ATP8A2: variants seen among roughly 807,000 people sequenced by gnomAD.
ATP8A2 encodes phospholipid-transporting ATPase IB.
ATP8A2 carries 100 observed loss-of-function variants against 165.6 expected under a neutral mutation model. That is an observed-to-expected ratio of 0.60 (90% CI 0.51 to 0.71). ATP8A2 has a LOEUF of 0.71. ATP8A2 is among the 30% of genes least tolerant of loss of function. The pLI is 0.00. For missense variants in ATP8A2, 1,227 were observed against 1,479.5 expected (o/e 0.83, Z 2.80); for synonymous variants, 543 against 548.8 (o/e 0.99, Z 0.15).
At chr13:26,019,657 C>G (rs118175487) in intron 36 of ATP8A2, among the ~76,000 whole-genome samples, 86 of 152,314 alleles carry the variant, frequency 5.6e-4, no homozygotes, top group Admixed American at 1.0e-3. Flanking sequence ...GAGGCTTTCC[C>G]TTCCCAGCAT....
intron 18 of ATP8A2, among the ~76,000 whole-genome samples, chr13:25,572,738 C>T (rs891045308): frequency 2.6e-5 from 4 of 152,114 alleles, no homozygotes; most frequent in African/African-American, 9.7e-5. Flanking sequence ...CTTGCCTTTC[C>T]CTACTCCTCC....
intron 27 of ATP8A2, among the ~76,000 whole-genome samples, chr13:25,805,605 G>T (rs1566156604): frequency 6.6e-6 from 1 of 152,180 alleles, no homozygotes. Context: ...CAAAAGCAGA[G>T]CTTGCTTTGG....
intron 1 of ATP8A2, among the ~76,000 whole-genome samples, chr13:25,405,534 G>C (rs557784847): frequency 5.9e-5 from 9 of 152,044 alleles, no homozygotes; most frequent in Non-Finnish European, 1.2e-4. Context: ...CTCTCCTTGG[G>C]GTACTCCCAG....
intron 33 of ATP8A2, among the ~76,000 whole-genome samples, chr13:25,870,536 T>C (rs1366555319): frequency 6.6e-6 from 1 of 152,194 alleles, no homozygotes. Context: ...AAAATATGTT[T>C]AATATATGCA....
intron 24 of ATP8A2, among the ~76,000 whole-genome samples, chr13:25,648,034 T>C (rs1322095408): frequency 6.6e-6 from 1 of 152,142 alleles, no homozygotes; most frequent in East Asian, 1.9e-4. Context: ...CTCTTTCTTC[T>C]CCTTTTGACT....
intron 24 of ATP8A2, among the ~76,000 whole-genome samples, chr13:25,670,113 T>C (rs181154291): frequency 8.1e-4 from 123 of 152,322 alleles, no homozygotes; most frequent in African/African-American, 2.9e-3. Flanking sequence ...CTTACTATCA[T>C]AGGTTTTTAA....
intron 25 of ATP8A2, among the ~76,000 whole-genome samples, chr13:25,759,068 C>T (rs990947485): frequency 2.6e-5 from 4 of 152,138 alleles, no homozygotes; most frequent in Non-Finnish European, 5.9e-5. Flanking sequence ...AAGTATTAAT[C>T]TGCAAACTAC....
chr13:26,005,007 T>C (rs2139333604), intron 35 of ATP8A2, among the ~76,000 whole-genome samples: 1 of 152,166 alleles, frequency 6.6e-6, no homozygotes, highest in South Asian at 2.1e-4. Context: ...GTAAAATGGG[T>C]TTGGAAGTAT....
chr13:25,954,223 T>C (rs1955459891), intron 33 of ATP8A2, among the ~76,000 whole-genome samples: 2 of 152,278 alleles, frequency 1.3e-5, no homozygotes, highest in South Asian at 4.1e-4. Flanking sequence ...CCCCTCACAG[T>C]GTAAACAAAG....
At chr13:25,628,329 T>TA (rs1242737020) in intron 24 of ATP8A2, among the ~76,000 whole-genome samples, 1 of 152,216 alleles carries the variant, frequency 6.6e-6, no homozygotes, top group Non-Finnish European at 1.5e-5. Context: ...TGCTTTACCC[T>TA]TTATGTTAAT....
At chr13:25,635,174 G>A (rs968885105) in intron 24 of ATP8A2, among the ~76,000 whole-genome samples, 6 of 152,152 alleles carry the variant, frequency 3.9e-5, no homozygotes, top group Admixed American at 6.5e-5. Context: ...AGCATGACCC[G>A]TGTAACATTT....
intron 27 of ATP8A2, among the ~76,000 whole-genome samples, chr13:25,780,560 T>G (rs1312955795): frequency 6.6e-6 from 1 of 152,156 alleles, no homozygotes; most frequent in Non-Finnish European, 1.5e-5. Context: ...TAAAAATTTG[T>G]CAATATCTGA....
chr13:25,624,096 C>A (rs563515533), intron 24 of ATP8A2, among the ~76,000 whole-genome samples: 6 of 152,062 alleles, frequency 3.9e-5, no homozygotes, highest in Non-Finnish European at 7.4e-5. Context: ...GGTGCTTAAA[C>A]GGCTTACTGA....
intron 24 of ATP8A2, among the ~76,000 whole-genome samples, chr13:25,592,120 A>G (rs9581402): frequency 0.015 from 2,268 of 152,086 alleles, 60 homozygotes; most frequent in African/African-American, 0.051. Context: ...ATTAGTGACA[A>G]TGGACATCTT....
chr13:25,383,594 A>G (rs1330395759), intron 1 of ATP8A2, among the ~76,000 whole-genome samples: 2 of 152,200 alleles, frequency 1.3e-5, no homozygotes, highest in African/African-American at 4.8e-5. Flanking sequence ...CAACTTATCA[A>G]TATGTTCTTT....
intron 33 of ATP8A2, among the ~76,000 whole-genome samples, chr13:25,875,930 G>T (rs1223945901): frequency 1.3e-5 from 2 of 152,212 alleles, no homozygotes; most frequent in Non-Finnish European, 2.9e-5. Flanking sequence ...TAAAACTGAG[G>T]AAGACAGTGG....
chr13:25,792,026 T>G (rs2045192907), intron 27 of ATP8A2, among the ~76,000 whole-genome samples: 1 of 152,194 alleles, frequency 6.6e-6, no homozygotes, highest in Non-Finnish European at 1.5e-5. Flanking sequence ...CTAAATTGCT[T>G]AAATTAAAAA....
chr13:25,728,798 C>A (rs1180444112), intron 25 of ATP8A2, among the ~76,000 whole-genome samples: 1 of 152,138 alleles, frequency 6.6e-6, no homozygotes, highest in African/African-American at 2.4e-5. Context: ...ATCTTCATTG[C>A]ATCCTGAGTG....
chr13:25,774,013 G>C (rs2044684537), intron 26 of ATP8A2, among the ~76,000 whole-genome samples: 1 of 152,040 alleles, frequency 6.6e-6, no homozygotes, highest in South Asian at 2.1e-4. Context: ...CCTGTCCCTT[G>C]CTCTTTTTGT....
Sources: allele counts gnomAD v4.1 joint callset (sites outside exome capture counted in the v4.1 genomes callset), GRCh38; gene constraint gnomAD v4.1.1; transcripts MANE v1.5; gene names NCBI Gene and HGNC (gene_info 2026-07-23, HGNC 2026-07-21).